Variants in AZIN2 observed in about 807,000 individuals in gnomAD.
AZIN2 encodes ODC antizyme inhibitor-2.
AZIN2 carries 28 observed loss-of-function variants against 47.8 expected under a neutral mutation model. The ratio of observed to expected loss-of-function variants is 0.59; its 90% CI spans 0.43 to 0.80. The LOEUF is 0.80. Ranked by LOEUF, AZIN2 falls within the 30% of genes least tolerant of loss-of-function variation. AZIN2 has a pLI of 0.00. For synonymous variants in AZIN2, 221 were observed against 239.4 expected (o/e 0.92, Z 0.71); for missense variants, 535 against 582.5 (o/e 0.92, Z 0.84).
chr1:33,116,301 CTTT>C (rs781079528), intron 10 of AZIN2, among the ~76,000 whole-genome samples: 5 of 152,188 alleles, frequency 3.3e-5, no homozygotes, highest in Non-Finnish European at 5.9e-5. Flanking sequence ...AGCTTATTAA[CTTT>C]TTATCAAATA....
At chr1:33,165,379 G>A in the AZIN2 span, 1 of 1,214,130 alleles carries the variant, frequency 8.2e-7, no homozygotes, top group Non-Finnish European at 1.1e-6. This position sits in a 1 kb window ranked among gnomAD's most constrained non-coding sequence, Gnocchi z 4.0. Context: ...CCGCACACCC[G>A]AGGCCCCGCC....
chr1:33,094,369 C>T (rs945577364), intron 7 of AZIN2, among the ~76,000 whole-genome samples, 179 bp from the exon 8 acceptor site: 1 of 152,220 alleles, frequency 6.6e-6, no homozygotes, highest in African/African-American at 2.4e-5. Context: ...AGCCTCCTGT[C>T]CACTTCTCCC....
At position 33,123,297 on chromosome 1, in the gene AZIN2, T is replaced by A. The variant is rs74789873; in HGVS notation, c.*3115T>A. ...CATACTCTATAACATAACTCCATAA[T>A]GTGTTCCATAACACAAGGGCAACTG... On this transcript the variant is annotated 3_prime_UTR_variant, in exon 12 of 12. Transcript: ENST00000294517. Among the ~76,000 whole-genome samples the A allele has an allele frequency of 9.6e-3, 1,461 of 152,332 alleles. 30 individuals are homozygous for A. Among genetic ancestry groups the A allele is most frequent in the East Asian group, 0.08 (417 of 5,190 alleles).
Position 33,094,589 on chromosome 1 carries a change from C to T in AZIN2, c.629C>T (p.Ala210Val). 20 of 1,614,164 alleles carry T rather than the reference C, an allele frequency of 1.2e-5. No individual in the cohort carries two copies. The highest frequency in any genetic ancestry group is 1.7e-5 in the Non-Finnish European group (20 of 1,180,020). The change falls in exon 8 of 12, where the codon GCT (alanine) becomes GTT (valine). Residue 210 changes from alanine to valine, a missense_variant. Physicochemically the swap from Ala to Val is moderately conservative, Grantham distance 64. Transcript: ENST00000294517. ...GGCTGTCCTGACCCTCAGGCCTATG[C>T]TCAGTCCATCGCAGACGCCCGGCTC... ...GSGCPDPQAY[A>V]QSIADARLVF... is the part of the protein sequence containing the mutation.
rs913122591 is a variant in AZIN2 at position 33,120,100 on chromosome 1, T to G, written c.1301T>G (p.Val434Gly). 7 of 1,613,966 alleles carry G rather than the reference T, an allele frequency of 4.3e-6. No individual in the cohort carries two copies. Among genetic ancestry groups the G allele is most frequent in the Non-Finnish European group, 5.9e-6 (7 of 1,179,922 alleles). Reference sequence around the variant, plus strand: ...GAACAGGAGGATGACGTGGAGGGTGTGTGCAAGCCTCTGTCCTGCGGCTGG... The same window carrying G: ...GAACAGGAGGATGACGTGGAGGGTGGGTGCAAGCCTCTGTCCTGCGGCTGG... ...AAEQEDDVEG[V>G]CKPLSCGWEI... Residue 434 changes from valine (V) to glycine (G), a missense_variant, in exon 12 of 12, where the codon GTG becomes GGG. Val to Gly is a moderately radical substitution (Grantham distance 109, BLOSUM62 -3). Around this residue, in one of 3 missense-constraint regions of AZIN2, gnomAD observed 122 missense variants for 135.8 expected, o/e 0.90. Coordinates refer to ENST00000294517, the MANE Select transcript of AZIN2 (RefSeq NM_052998.4).
chr1:33,146,772 C>CCTCTT, the AZIN2 span: 1 of 257,862 alleles, frequency 3.9e-6, no homozygotes, highest in South Asian at 5.1e-5. Context: ...GGCCATGGGA[C>CCTCTT]ATAAGAGGGT....
rs564208837 is a variant in AZIN2 at position 33,094,973 on chromosome 1, C to T, written c.753+260C>T. On this transcript the variant is annotated intron_variant, in intron 8 of 11. Transcript: ENST00000294517. ...CACTTCAGCCAATTGGAGGCATAAC[C>T]AGGACACATTTACATAAGTCGTAAG... is the stretch of plus-strand genomic sequence containing the variant. Among the ~76,000 whole-genome samples, 4 of 152,288 alleles carry T rather than the reference C, an allele frequency of 2.6e-5. No individual in the cohort carries two copies. In the East Asian group the frequency reaches 5.8e-4, roughly 22 times the overall value.
At chr1:33,131,035 A>T in the AZIN2 span, among the ~76,000 whole-genome samples, 1 of 152,340 alleles carries the variant, frequency 6.6e-6, no homozygotes, top group African/African-American at 2.4e-5. Flanking sequence ...GATGAGTTTT[A>T]AAAGTGGCTC....
intron 5 of AZIN2, among the ~76,000 whole-genome samples, chr1:33,089,777 A>G (rs1316791437): frequency 2.0e-5 from 3 of 152,258 alleles, no homozygotes; most frequent in African/African-American, 7.2e-5. Flanking sequence ...ATTAAATGAA[A>G]TAATGCTTAT....
At position 33,120,110 on chromosome 1, in the gene AZIN2, T is replaced by A. The variant is rs755591616; in HGVS notation, c.1311T>A (p.Pro437=). Residue 437 remains proline (P), a synonymous_variant, in exon 12 of 12, where the codon CCT becomes CCA. Coordinates refer to ENST00000294517, the MANE Select transcript of AZIN2 (RefSeq NM_052998.4). ...QEDDVEGVCK[P]LSCGWEITDT... ...ATGACGTGGAGGGTGTGTGCAAGCC[T>A]CTGTCCTGCGGCTGGGAGATCACAG... is the stretch of plus-strand genomic sequence containing the variant. 1.2e-6 allele frequency: 2 copies of A among 1,613,990 alleles called. No individual in the cohort carries two copies. The highest frequency in any genetic ancestry group is 1.7e-6 in the Non-Finnish European group (2 of 1,179,892).
At chr1:33,124,792 T>TA (rs1444914358), downstream of AZIN2, among the ~76,000 whole-genome samples, 1 of 152,200 alleles carries the variant, frequency 6.6e-6, no homozygotes, top group Non-Finnish European at 1.5e-5. This position sits in a 1 kb window ranked among gnomAD's most constrained non-coding sequence, Gnocchi z 4.6. Context: ...GTTCTTGTGA[T>TA]AGTTTGCTCA....
At chr1:33,159,495 C>G in the AZIN2 span, among the ~76,000 whole-genome samples, 195 of 152,310 alleles carry the variant, frequency 1.3e-3, no homozygotes, top group Non-Finnish European at 2.4e-3. The surrounding 1 kb of genome is among the most constrained non-coding windows in gnomAD (Gnocchi z 4.2). Flanking sequence ...TGCTGCTCCT[C>G]TAGTTCAAGC....
Position 33,093,398 on chromosome 1 carries a change from T to A in AZIN2, c.569T>A (p.Val190Glu). 1 of 1,613,936 alleles carries A rather than the reference T, an allele frequency of 6.2e-7. No homozygotes were observed. The highest frequency in any genetic ancestry group is 2.2e-5 in the East Asian group (1 of 44,860). The change falls in exon 7 of 12, where the codon GTG becomes GAG. Residue 190 changes from valine (V) to glutamate (E), a missense_variant. By Grantham distance (121) the Val-to-Glu change is moderately radical. Transcript: ENST00000294517. The part of the protein sequence containing the change: ...HLLENAKKHH[V>E]EVVGVSFHIG... ...CTTGAAAATGCGAAGAAGCACCATGTGGAGGTGGTGGGTGTGAGGTGAGCA... is the reference window on the plus strand; with the variant it reads ...CTTGAAAATGCGAAGAAGCACCATGAGGAGGTGGTGGGTGTGAGGTGAGCA...
chr1:33,102,451 G>A (rs61799489), intron 10 of AZIN2, among the ~76,000 whole-genome samples: 9,293 of 152,152 alleles, frequency 0.061, 394 homozygotes, highest in Middle Eastern at 0.095. Flanking sequence ...TGCCATGGAA[G>A]ATGCTCTTGA....
chr1:33,147,418 T>G, the AZIN2 span: 2 of 1,614,114 alleles, frequency 1.2e-6, no homozygotes, highest in South Asian at 2.2e-5. This position sits in a 1 kb window ranked among gnomAD's most constrained non-coding sequence, Gnocchi z 8.1. Context: ...GGCGCTGTAC[T>G]GGTTGCCATC....
At chr1:33,158,487 G>T in the AZIN2 span, 3 of 725,248 alleles carry the variant, frequency 4.1e-6, no homozygotes, top group East Asian at 7.9e-5. Context: ...TGAGAAGTCT[G>T]TGGGACTCAG....
chr1:33,091,428 T>C (rs1569955772), intron 5 of AZIN2, among the ~76,000 whole-genome samples: 1 of 152,204 alleles, frequency 6.6e-6, no homozygotes, highest in Middle Eastern at 3.4e-3. Context: ...TTGGTAGAGA[T>C]GGGGTTTTGC....
At chr1:33,146,980 C>T in the AZIN2 span, 25 of 621,978 alleles carry the variant, frequency 4.0e-5, no homozygotes, top group South Asian at 4.8e-4. Flanking sequence ...GTCAGAGCTA[C>T]AGAACATCGA....
chr1:33,127,195 A>T (rs1644862333), downstream of AZIN2, among the ~76,000 whole-genome samples: 1 of 151,926 alleles, frequency 6.6e-6, no homozygotes, highest in Admixed American at 6.6e-5. Context: ...AGCATATGAG[A>T]CTCTCAGAAG....
Sources: gnomAD v4.1 joint callset for allele counts (sites outside exome capture counted in the v4.1 genomes callset) on GRCh38, gnomAD v4.1.1 for gene constraint, gnomAD v4.1.1 regional missense constraint, Gnocchi (gnomAD v3.1) non-coding constraint, MANE v1.5 for transcripts, NCBI Gene and HGNC (gene_info 2026-07-23, HGNC 2026-07-21) for gene names.